MIA2: variants seen among roughly 807,000 people sequenced by gnomAD.
MIA2 encodes the protein melanoma inhibitory activity protein 2.
In MIA2, 127 loss-of-function variants were observed where a neutral mutation model predicts 167.8. The ratio of observed to expected loss-of-function variants is 0.76; its 90% CI spans 0.66 to 0.88. The LOEUF (loss-of-function observed/expected upper bound fraction) is 0.88, where lower values mean the gene tolerates loss of function less well. MIA2 is among the 40% of genes least tolerant of loss of function. The pLI is 0.00. For missense variants in MIA2, 1,690 were observed against 1,624.7 expected, an observed-to-expected ratio of 1.04 and a Z score of -0.69; for synonymous variants, 552 against 541.9, an observed-to-expected ratio of 1.02 and a Z score of -0.26.
chr14:39,354,971 G>C (rs1196841525), downstream of MIA2, among the ~76,000 whole-genome samples: 2 of 152,014 alleles, frequency 1.3e-5, no homozygotes, highest in African/African-American at 4.8e-5. Flanking sequence ...TAGCCTTGTA[G>C]TATAGTTTGA....
intron 2 of MIA2, among the ~76,000 whole-genome samples, chr14:39,238,460 A>G (rs1170228441): frequency 6.6e-6 from 1 of 152,110 alleles, no homozygotes; most frequent in Non-Finnish European, 1.5e-5. Context: ...GGCGTGAGCC[A>G]CTATGCCCGG....
At chr14:39,332,105 A>G (rs576256794) in intron 25 of MIA2, among the ~76,000 whole-genome samples, 6 of 152,184 alleles carry the variant, frequency 3.9e-5, no homozygotes, top group Non-Finnish European at 8.8e-5. Context: ...GTCTTTTCAC[A>G]TAGTCCCATA....
intron 23 of MIA2, among the ~76,000 whole-genome samples, chr14:39,379,235 T>C (rs991002675): frequency 3.3e-5 from 5 of 152,138 alleles, no homozygotes; most frequent in Non-Finnish European, 5.9e-5. Context: ...TTAGTGTACC[T>C]TTGGTACTAA....
intron 23 of MIA2, among the ~76,000 whole-genome samples, chr14:39,320,502 G>A (rs1374679575): frequency 6.6e-6 from 1 of 151,942 alleles, no homozygotes; most frequent in Non-Finnish European, 1.5e-5. Context: ...GCCCAATACA[G>A]CCTATCTGGC....
chr14:39,298,157 A>AG (rs1195972330), intron 13 of MIA2, among the ~76,000 whole-genome samples: 1 of 151,802 alleles, frequency 6.6e-6, no homozygotes, highest in East Asian at 1.9e-4. Context: ...GGCCTTTTCC[A>AG]CCTTGGAAAA....
At chr14:39,377,792 C>CT (rs1021792596) in intron 23 of MIA2, among the ~76,000 whole-genome samples, 3 of 150,522 alleles carry the variant, frequency 2.0e-5, no homozygotes, top group Admixed American at 6.6e-5. Flanking sequence ...TTGCTGGAAA[C>CT]TTTTTTTTAT....
At chr14:39,381,087 T>A (rs745817883) in intron 23 of MIA2, among the ~76,000 whole-genome samples, 4 of 151,660 alleles carry the variant, frequency 2.6e-5, no homozygotes, top group Non-Finnish European at 5.9e-5. Flanking sequence ...GAAACTTGTC[T>A]GTTTACACTC....
intron 13 of MIA2, among the ~76,000 whole-genome samples, chr14:39,296,637 AT>A (rs531091120): frequency 0.012 from 1,466 of 121,548 alleles, 11 homozygotes; most frequent in Middle Eastern, 0.047. Flanking sequence ...TATTTTTATT[AT>A]TTTTTTTTTA....
At chr14:39,384,965 C>A (rs1247323602) in intron 23 of MIA2, among the ~76,000 whole-genome samples, 1 of 152,180 alleles carries the variant, frequency 6.6e-6, no homozygotes, top group Non-Finnish European at 1.5e-5. Flanking sequence ...TTATGAGATG[C>A]TCCATTTAAT....
At chr14:39,369,037 A>G (rs1253779374) in intron 23 of MIA2, among the ~76,000 whole-genome samples, 1 of 152,194 alleles carries the variant, frequency 6.6e-6, no homozygotes, top group East Asian at 1.9e-4. Flanking sequence ...GAAGTTATCC[A>G]TGTTTCAGAA....
chr14:39,261,154 G>A (rs61998540), intron 6 of MIA2, among the ~76,000 whole-genome samples: 17 of 151,728 alleles, frequency 1.1e-4, no homozygotes, highest in Middle Eastern at 3.4e-3. Flanking sequence ...CTCACCCCAC[G>A]ACAGGCTCTG....
At chr14:39,356,542 GTC>G (rs770124606) in intron 23 of MIA2, among the ~76,000 whole-genome samples, 10 of 152,012 alleles carry the variant, frequency 6.6e-5, no homozygotes, top group Admixed American at 2.6e-4. Context: ...GGTTTTTTGT[GTC>G]TCTATCTCCT....
At position 39,253,115 on chromosome 14, in the gene MIA2, G is replaced by C; in HGVS notation, c.1831G>C (p.Asp611His). The C allele has an allele frequency of 6.2e-7, 1 of 1,605,272 alleles. No homozygotes were observed. Among genetic ancestry groups the C allele is most frequent in the Non-Finnish European group, 8.5e-7 (1 of 1,175,872 alleles). ...GATTCTGAAATACTTATTCCAAATT[G>C]ATGTTTATGATTTCATGAATTCTGC... ...FQILKYLFQI[D>H]VYDFMNSAFS... is the part of the protein sequence containing the mutation. The change falls in exon 6 of 29, where the codon GAT becomes CAT. Residue 611 changes from aspartate to histidine, a missense_variant. By Grantham distance (81) the Asp-to-His change is moderately conservative (BLOSUM62 -1). Coordinates refer to ENST00000640607, the MANE Select transcript of MIA2 (RefSeq NM_001329214.4).
chr14:39,283,331 G>A (rs1220812333), intron 9 of MIA2, among the ~76,000 whole-genome samples: 1 of 152,162 alleles, frequency 6.6e-6, no homozygotes, highest in African/African-American at 2.4e-5. Context: ...TGTAGTGACT[G>A]TACCCATCTA....
chr14:39,305,819 C>G lies in MIA2; in HGVS notation c.2878+1438C>G, dbSNP rs1047750294. Among the ~76,000 whole-genome samples, 5 of 151,818 alleles carry G rather than the reference C, an allele frequency of 3.3e-5. No homozygotes were observed. In the East Asian group the frequency reaches 9.7e-4, roughly 29 times the overall value. On this transcript the variant is annotated intron_variant, in intron 17 of 28. Coordinates refer to ENST00000640607, the MANE Select transcript of MIA2 (RefSeq NM_001329214.4). ...GGCGTGGTGGCACATGCCTGTAATC[C>G]CAGCTGCTTGGGAGGCTGAGGCACG...
chr14:39,323,334 C>A (rs1039601199), intron 24 of MIA2, among the ~76,000 whole-genome samples: 11 of 151,984 alleles, frequency 7.2e-5, no homozygotes, highest in Non-Finnish European at 1.5e-4. Flanking sequence ...AGGGACTGCC[C>A]TATAGACTGA....
chr14:39,313,466 C>CT (rs757950133), intron 19 of MIA2, 25 bp downstream of exon 19: 4 of 1,364,020 alleles, frequency 2.9e-6, no homozygotes, highest in Middle Eastern at 1.8e-4. Flanking sequence ...TTTCTGGTTT[C>CT]TTTTTTGGAA....
chr14:39,284,200 G>A (rs2152777011), intron 9 of MIA2, among the ~76,000 whole-genome samples: 1 of 152,178 alleles, frequency 6.6e-6, no homozygotes, highest in South Asian at 2.1e-4. Flanking sequence ...TTATGTTTAG[G>A]TCTTTTATCC....
chr14:39,294,155 A>G (rs960200079), intron 12 of MIA2, 84 bp downstream of exon 12: 2 of 994,320 alleles, frequency 2.0e-6, no homozygotes, highest in Admixed American at 4.6e-5. Flanking sequence ...AAGACACAAT[A>G]GTAGGATTTG....
Sources: allele counts gnomAD v4.1 joint callset (sites outside exome capture counted in the v4.1 genomes callset), GRCh38; gene constraint gnomAD v4.1.1; transcripts MANE v1.5; gene names NCBI Gene and HGNC (gene_info 2026-07-23, HGNC 2026-07-21).